KCNN1: variants seen among roughly 807,000 people sequenced by gnomAD.
KCNN1 encodes the protein small conductance calcium-activated potassium channel protein 1.
In KCNN1, 20 loss-of-function variants were observed where a neutral mutation model predicts 44.7. The observed-to-expected ratio is 0.45, with a 90% confidence interval of 0.32 to 0.65. The LOEUF is 0.65. Among genes scored for constraint, KCNN1 ranks in the 30% least tolerant of loss-of-function variants. The pLI is 0.05. For missense variants in KCNN1, 632 were observed against 785.3 expected (o/e 0.80, Z 2.33); for synonymous variants, 324 against 341.7 (o/e 0.95, Z 0.57).
chr19:17,964,561 T>A (rs2145908755), upstream of KCNN1, among the ~76,000 whole-genome samples: 1 of 152,326 alleles, frequency 6.6e-6, no homozygotes, highest in East Asian at 1.9e-4. The surrounding 1 kb of genome is among the most constrained non-coding windows in gnomAD (Gnocchi z 4.3). Flanking sequence ...CCTGACAGGC[T>A]CACTTGCAGG....
At chr19:17,984,231 A>T (rs899078680) in intron 4 of KCNN1, among the ~76,000 whole-genome samples, 1 of 151,514 alleles carries the variant, frequency 6.6e-6, no homozygotes, top group African/African-American at 2.4e-5. Flanking sequence ...CCCAGACTGG[A>T]GGTGCCTGGA....
chr19:17,958,354 C>T (rs2031593186), intron 2 of KCNN1, among the ~76,000 whole-genome samples: 1 of 151,910 alleles, frequency 6.6e-6, no homozygotes, highest in African/African-American at 2.4e-5. Flanking sequence ...GTAGCACACA[C>T]GTAGCCCCAG....
chr19:17,973,565 C>T (rs531816257), intron 1 of KCNN1, among the ~76,000 whole-genome samples: 1 of 152,282 alleles, frequency 6.6e-6, no homozygotes, highest in Admixed American at 6.5e-5. Context: ...ACCAGAGCTG[C>T]ACCACCATGC....
rs2032155339 is a variant in KCNN1, at chr19:17,974,892, G to A, written c.403-200G>A. On this transcript the variant is annotated intron_variant, in intron 2 of 9. Coordinates refer to ENST00000684775, the MANE Select transcript of KCNN1 (RefSeq NM_001386974.1). The surrounding 1 kb of genome is among the most constrained non-coding windows in gnomAD (Gnocchi z 7.3). ...TTCCTGAATACAGCACATGCTGCAC[G>A]CCCAGCCCTGATAAGCTGTTTCACA... is the stretch of plus-strand genomic sequence containing the variant. Among the ~76,000 whole-genome samples, 2 of 152,186 alleles carry A rather than the reference G, an allele frequency of 1.3e-5. No homozygotes were observed. Among genetic ancestry groups the A allele is most frequent in the Admixed American group, 6.5e-5 (1 of 15,286 alleles).
Position 17,999,902 on chromosome 19 carries a change from C to T in KCNN1, c.*1496C>T, listed in dbSNP as rs1044534428. Reference sequence around the variant, plus strand: ...GGGTATGAGGAGGTGCTGGTCAGACCCGGGTTCGAGTCCTGACTCTGCCAC... The same window carrying T: ...GGGTATGAGGAGGTGCTGGTCAGACTCGGGTTCGAGTCCTGACTCTGCCAC... On this transcript the variant is annotated 3_prime_UTR_variant, in exon 10 of 10. Transcript: ENST00000684775. 3 of 452,874 alleles carry T rather than the reference C, an allele frequency of 6.6e-6. No homozygotes were observed. Among genetic ancestry groups the T allele is most frequent in the Non-Finnish European group, 1.3e-5 (3 of 225,600 alleles). The allele number at this position is 452,874 out of a possible 1,614,324, so 28.1% of individuals were successfully genotyped here. A position where few individuals can be genotyped will look rare whatever the true frequency, so the allele number is the denominator to read the frequency against.
At position 17,970,289 on chromosome 19, in the gene KCNN1, ATTTTTTTTTTTTTTTTTTTTTTTTTT is replaced by A. The variant is rs71164333; in HGVS notation, c.-82+2992_-82+3017del. ...AGGTCACCTGACCATAGAAGGAATG[ATTTTTTTTTTTTTTTTTTTTTTTTTT>A]TTTTTTTTTTTTTTTTTTTGGAGAC... is the stretch of plus-strand genomic sequence containing the variant. On this transcript the variant is annotated intron_variant, in intron 1 of 9. Transcript: ENST00000684775. Among the ~76,000 whole-genome samples, 37 of 56,928 alleles carry A rather than the reference ATTTTTTTTTTTTTTTTTTTTTTTTTT, an allele frequency of 6.5e-4. 1 individual carries two copies. The highest frequency in any genetic ancestry group is 0.018 in the Middle Eastern group (1 of 56). 37.3% of individuals were successfully genotyped at this position (56,928 alleles called of 152,430 possible).
At position 17,989,709 on chromosome 19, in the gene KCNN1, GC is replaced by G; in HGVS notation, c.1171-3del. 1 of 1,613,612 alleles carries G rather than the reference GC, an allele frequency of 6.2e-7. No homozygotes were observed. The highest frequency in any genetic ancestry group is 8.5e-7 in the Non-Finnish European group (1 of 1,179,804). On this transcript the variant is annotated splice_polypyrimidine_tract_variant and splice_region_variant and intron_variant, in intron 6 of 9. Transcript: ENST00000684775. ...ACCCTGAGGAATTGTTCTTTTTCTG[GC>G]CCCAGGTAAAAAACGCCGCTGCTAA...
In KCNN1 at chr19:17,974,630, G is replaced by A. The variant is rs113769921; in HGVS notation, c.402+340G>A. Among the ~76,000 whole-genome samples, 16 of 152,290 alleles carry A rather than the reference G, an allele frequency of 1.1e-4. 1 individual carries two copies. The highest frequency in any genetic ancestry group is 3.9e-4 in the African/African-American group (16 of 41,558). ...TCTTCCTCCCCTTCCGAGAGTGAGT[G>A]CGTCCAGGTTACAAGCCTGGCTGTG... On this transcript the variant is annotated intron_variant, in intron 2 of 9. Transcript: ENST00000684775. The surrounding 1 kb of genome is among the most constrained non-coding windows in gnomAD (Gnocchi z 7.3).
intron 7 of KCNN1, 80 bp downstream of exon 7, chr19:17,989,923 T>TC: frequency 6.2e-7 from 1 of 1,603,864 alleles, no homozygotes; most frequent in Non-Finnish European, 8.5e-7. Flanking sequence ...TGTGGCCTCT[T>TC]CACGGCTCCC....
intron 1 of KCNN1, among the ~76,000 whole-genome samples, chr19:17,972,691 C>G (rs1364662598): frequency 6.6e-6 from 1 of 152,178 alleles, no homozygotes; most frequent in Non-Finnish European, 1.5e-5. Context: ...GGCCACAGTG[C>G]AGGAGCCTAC....
chr19:17,987,302 G>A (rs1323615429), intron 5 of KCNN1, among the ~76,000 whole-genome samples: 1 of 151,986 alleles, frequency 6.6e-6, no homozygotes, highest in Admixed American at 6.6e-5. Flanking sequence ...TACAGACAGG[G>A]TTTCACCATG....
chr19:17,976,654 G>A (rs935059031), intron 3 of KCNN1, among the ~76,000 whole-genome samples: 11 of 151,870 alleles, frequency 7.2e-5, no homozygotes, highest in African/African-American at 2.7e-4. Flanking sequence ...CCAACCTCAG[G>A]TGATCTGCCC....
rs1018238360 is a variant in KCNN1, at chr19:17,998,655, G to A, written c.*249G>A. 6.7e-6 allele frequency: 3 copies of A among 449,212 alleles called. No homozygotes were observed. Among genetic ancestry groups the A allele is most frequent in the Non-Finnish European group, 1.2e-5 (3 of 255,992 alleles). The allele number at this position is 449,212 out of a possible 1,614,324, so 27.8% of individuals were successfully genotyped here. A position where few individuals can be genotyped will look rare whatever the true frequency, so the allele number is the denominator to read the frequency against. ...TCTCCCCAGGCCCCCGGTGGGCATG[G>A]AGCAGCCCGGGGAGGGGTCCGTGCT... On this transcript the variant is annotated 3_prime_UTR_variant, in exon 10 of 10. Coordinates refer to ENST00000684775, the MANE Select transcript of KCNN1 (RefSeq NM_001386974.1). This position sits in a 1 kb window ranked among gnomAD's most constrained non-coding sequence, Gnocchi z 5.4.
chr19:17,981,408 C>T (rs2032399270), intron 3 of KCNN1, among the ~76,000 whole-genome samples: 1 of 151,834 alleles, frequency 6.6e-6, no homozygotes, highest in African/African-American at 2.4e-5. Flanking sequence ...AAAAATTAGC[C>T]AGGTGTGGTG....
intron 4 of KCNN1, 114 bp from the exon 5 acceptor site, chr19:17,985,198 C>A (rs546955041): frequency 3.9e-5 from 40 of 1,023,170 alleles, no homozygotes; most frequent in Non-Finnish European, 4.9e-5. Flanking sequence ...ATAGCCCCAA[C>A]GCAGCGAGGT....
At chr19:17,958,791 A>G (rs1023739005) in intron 2 of KCNN1, among the ~76,000 whole-genome samples, 29 of 150,532 alleles carry the variant, frequency 1.9e-4, no homozygotes, top group Non-Finnish European at 1.8e-4. Context: ...TCTGCCTCCC[A>G]GGTTCACGCC....
Position 17,974,323 on chromosome 19 carries a change from A to C in KCNN1, c.402+33A>C. The C allele has an allele frequency of 6.6e-7, 1 of 1,515,756 alleles. No individual in the cohort carries two copies. Among genetic ancestry groups the C allele is most frequent in the South Asian group, 1.3e-5 (1 of 76,140 alleles). The allele number at this position is 1,515,756 out of a possible 1,614,324, so 93.9% of individuals were successfully genotyped here. ...TGGTCCTCCCCCAGGCACTCCAGGGAGGTTCCACCAAGCCCGCCTAGCTTT... is the reference window on the plus strand; with the variant it reads ...TGGTCCTCCCCCAGGCACTCCAGGGCGGTTCCACCAAGCCCGCCTAGCTTT... On this transcript the variant is annotated intron_variant, in intron 2 of 9. Transcript: ENST00000684775. This position sits in a 1 kb window ranked among gnomAD's most constrained non-coding sequence, Gnocchi z 7.3.
At position 17,974,007 on chromosome 19, in the gene KCNN1, C is replaced by T. The variant is rs1265177061; in HGVS notation, c.119C>T (p.Pro40Leu). 9.4e-6 allele frequency: 15 copies of T among 1,595,900 alleles called. No individual in the cohort carries two copies. The highest frequency in any genetic ancestry group is 1.8e-5 in the Admixed American group (1 of 56,736). Reference protein sequence around the residue: ...AGHPPQPPHSPGLQVVVAKSE... With the variant: ...AGHPPQPPHSLGLQVVVAKSE... Reference sequence around the variant, plus strand: ...CACCCCCCACAACCCCCGCACAGCCCGGGCCTCCAGGTGGTAGTGGCCAAG... The same window carrying T: ...CACCCCCCACAACCCCCGCACAGCCTGGGCCTCCAGGTGGTAGTGGCCAAG... The change falls in exon 2 of 10, where the codon CCG becomes CTG. Residue 40 changes from proline (P) to leucine (L), a missense_variant. By Grantham distance (98) the Pro-to-Leu change is moderately conservative. This residue lies in a region of KCNN1 where 235 missense variants were observed against 224.0 expected (regional missense o/e 1.05). Transcript: ENST00000684775. The surrounding 1 kb of genome is among the most constrained non-coding windows in gnomAD (Gnocchi z 7.3).
Position 17,998,486 on chromosome 19 carries a change from T to C in KCNN1, c.*80T>C. 1.5e-6 allele frequency: 2 copies of C among 1,339,764 alleles called. No homozygotes were observed. Among genetic ancestry groups the C allele is most frequent in the Non-Finnish European group, 2.0e-6 (2 of 1,016,422 alleles). The allele number at this position is 1,339,764 out of a possible 1,614,324, so 83.0% of individuals were successfully genotyped here. ...CCGGGAAGCCTTGTACAGTGGCGCC[T>C]CTTGGAGTTCAAGAAGCCAACGCTG... On this transcript the variant is annotated 3_prime_UTR_variant, in exon 10 of 10. Coordinates refer to ENST00000684775, the MANE Select transcript of KCNN1 (RefSeq NM_001386974.1). The surrounding 1 kb of genome is among the most constrained non-coding windows in gnomAD (Gnocchi z 5.4).
Sources: allele counts gnomAD v4.1 joint callset (sites outside exome capture counted in the v4.1 genomes callset), GRCh38; gene constraint gnomAD v4.1.1; regional missense constraint gnomAD v4.1.1; non-coding constraint Gnocchi (gnomAD v3.1); transcripts MANE v1.5; gene names NCBI Gene and HGNC (gene_info 2026-07-23, HGNC 2026-07-21).